PINLYP: variants seen among roughly 807,000 people sequenced by gnomAD.
PINLYP encodes the protein phospholipase A2 inhibitor and Ly6/PLAUR domain-containing protein.
A neutral mutation model predicts 15.8 loss-of-function variants in PINLYP; 12 were observed. That is an observed-to-expected ratio of 0.76 (90% CI 0.49 to 1.23). The LOEUF (loss-of-function observed/expected upper bound fraction) is 1.23. Ranked by LOEUF, PINLYP falls within the 50% of genes most tolerant of loss-of-function variation. The probability of loss-of-function intolerance (pLI) is 0.00; values close to 1 mark genes in which losing one functional copy is unlikely to be tolerated. For synonymous variants in PINLYP, 93 were observed against 97.7 expected, an observed-to-expected ratio of 0.95 and a Z score of 0.28; for missense variants, 278 against 264.2, an observed-to-expected ratio of 1.05 and a Z score of -0.36.
intron 2 of PINLYP, among the ~76,000 whole-genome samples, chr19:43,578,166 C>G (rs1000132851): frequency 1.3e-5 from 2 of 152,090 alleles, no homozygotes; most frequent in South Asian, 2.1e-4. Flanking sequence ...AGCCTCAGGG[C>G]CCCCTGCCTG....
chr19:43,582,012 G>C (rs1471394788), exon 6 of PINLYP: 1 of 1,533,026 alleles, frequency 6.5e-7, no homozygotes, highest in Non-Finnish European at 8.7e-7. Flanking sequence ...AAAGCTATCT[G>C]AACAGAGGAA....
chr19:43,576,349 A>G (rs1327598196), exon 1 of PINLYP, among the ~76,000 whole-genome samples: 2 of 151,774 alleles, frequency 1.3e-5, no homozygotes, highest in Non-Finnish European at 2.9e-5. Context: ...ACACACGCAC[A>G]TATACATACA....
At chr19:43,578,315 C>T (rs575574828) in intron 2 of PINLYP, among the ~76,000 whole-genome samples, 5 of 152,320 alleles carry the variant, frequency 3.3e-5, no homozygotes, top group African/African-American at 9.6e-5. Flanking sequence ...GCTTTCTCAG[C>T]GGACCCTGGC....
At chr19:43,581,034 G>A in intron 3 of PINLYP, 178 bp from the exon 4 acceptor site, 2 of 732,264 alleles carry the variant, frequency 2.7e-6, no homozygotes, top group Non-Finnish European at 4.2e-6. Context: ...TCGCGCCATT[G>A]CACTCCAGCC....
chr19:43,575,647 C>G (rs1972852579), upstream of PINLYP: 2 of 478,680 alleles, frequency 4.2e-6, no homozygotes, highest in Non-Finnish European at 7.5e-6. Context: ...TCGCGCCTCT[C>G]CAGAGCGGGA....
chr19:43,579,634 C>G (rs1972906329), intron 3 of PINLYP, among the ~76,000 whole-genome samples: 1 of 149,452 alleles, frequency 6.7e-6, no homozygotes, highest in Non-Finnish European at 1.5e-5. Flanking sequence ...CACGGTGGTT[C>G]ACGCCTGTAA....
chr19:43,581,603 C>T (rs1002684519), exon 5 of PINLYP: 2 of 1,536,474 alleles, frequency 1.3e-6, no homozygotes, highest in Admixed American at 2.0e-5. Flanking sequence ...TGATGTGCCC[C>T]GCCTGCACTG....
At chr19:43,577,083 T>C (rs1425183995) in intron 1 of PINLYP, 32 bp from the exon 2 acceptor site, 1 of 1,531,358 alleles carries the variant, frequency 6.5e-7, no homozygotes, top group East Asian at 2.4e-5. Flanking sequence ...AGGACTGCCC[T>C]GGGTTCTGAC....
intron 3 of PINLYP, chr19:43,580,251 G>A (rs304729): frequency 0.16 from 24,635 of 152,572 alleles, 2,087 homozygotes; most frequent in Non-Finnish European, 0.19. Flanking sequence ...CGGGAAGGGA[G>A]GAGAGAGAGC....
chr19:43,578,777 T>C (rs1227214083), intron 3 of PINLYP, 71 bp downstream of exon 3: 2 of 1,177,766 alleles, frequency 1.7e-6, no homozygotes, highest in Admixed American at 2.0e-5. Flanking sequence ...ACTACCATGC[T>C]GAGGGGGGAT....
chr19:43,579,037 G>T (rs754493959), intron 3 of PINLYP: 83 of 287,720 alleles, frequency 2.9e-4, no homozygotes, highest in Non-Finnish European at 5.1e-4. Context: ...GAGAGGGGAA[G>T]AATCTAACTG....
chr19:43,581,563 T>C, exon 5 of PINLYP: 1 of 1,534,844 alleles, frequency 6.5e-7, no homozygotes. Flanking sequence ...TCATCCTCAG[T>C]TCCCTTGACC....
chr19:43,579,507 A>C (rs1600066980), intron 3 of PINLYP, among the ~76,000 whole-genome samples: 1 of 151,156 alleles, frequency 6.6e-6, no homozygotes, highest in East Asian at 2.0e-4. Context: ...TCGACCTCCC[A>C]AAGTGCTGGG....
chr19:43,579,736 G>GAAA (rs545927020), intron 3 of PINLYP, among the ~76,000 whole-genome samples: 19 of 108,820 alleles, frequency 1.7e-4, no homozygotes, highest in African/African-American at 6.1e-4. Context: ...CATCTCTACA[G>GAAA]AAAAAAAAAA....
At position 43,577,710 on chromosome 19, in the gene PINLYP, C is replaced by T. The variant is rs149082336; in HGVS notation, c.70+449C>T. On this transcript the variant is annotated intron_variant, in intron 2 of 5. Transcript: ENST00000599207. ...TTGAGGTCAGGAGTTCAAGACCAGC[C>T]TGGCCAACATGGTGAAACCCCGTCT... Among the ~76,000 whole-genome samples, 552 of 152,018 alleles carry T rather than the reference C, an allele frequency of 3.6e-3. 3 individuals carry two copies. Among genetic ancestry groups the T allele is most frequent in the African/African-American group, 0.013 (530 of 41,454 alleles).
At chr19:43,577,202 C>G in exon 2 of PINLYP, 1 of 1,536,090 alleles carries the variant, frequency 6.5e-7, no homozygotes, top group South Asian at 1.2e-5. Context: ...ATGAGGCTCT[C>G]CAGGAGACCA....
intron 3 of PINLYP, chr19:43,580,496 ACGGGGTGGGCGGGGGTTGG>A: frequency 1.0e-6 from 1 of 964,854 alleles, no homozygotes; most frequent in Non-Finnish European, 1.2e-6. Context: ...GGAAGAGACT[ACGGGGTGGGCGGGGGTTGG>A]CGGGGAGTTG....
chr19:43,580,572 G>A, intron 3 of PINLYP: 1 of 984,756 alleles, frequency 1.0e-6, no homozygotes, highest in Non-Finnish European at 1.2e-6. Context: ...GGTGGCCATA[G>A]GCGGCCTGAA....
Position 43,581,205 on chromosome 19 carries a change from C to T in PINLYP, c.188-7C>T. The T allele has an allele frequency of 1.3e-6, 2 of 1,536,570 alleles. No homozygotes were observed. The highest frequency in any genetic ancestry group is 1.7e-6 in the Non-Finnish European group (2 of 1,146,776). On this transcript the variant is annotated splice_polypyrimidine_tract_variant and splice_region_variant and intron_variant, in intron 3 of 5. Transcript: ENST00000599207. ...CAGCACTGTCCCTGCCTGTCCCCAT[C>T]CCACAGAGGGCAAGGAGTTGGTGCA...
Sources: allele counts gnomAD v4.1 joint callset (sites outside exome capture counted in the v4.1 genomes callset), GRCh38; gene constraint gnomAD v4.1.1; transcripts MANE v1.5; gene names NCBI Gene and HGNC (gene_info 2026-07-23, HGNC 2026-07-21).